Variants in UBL3 observed in about 807,000 individuals in gnomAD.
The protein encoded by UBL3 is ubiquitin-like protein 3.
A neutral mutation model predicts 18.4 loss-of-function variants in UBL3; 6 were observed. The observed-to-expected ratio is 0.33, with a 90% CI of 0.18 to 0.64. The LOEUF is 0.64. Ranked by LOEUF, UBL3 falls within the 30% of genes least tolerant of loss-of-function variation. The pLI, the probability that UBL3 is intolerant of heterozygous loss-of-function variation, is 0.76. For synonymous variants in UBL3, 49 were observed against 46.6 expected, an observed-to-expected ratio of 1.05 and a Z score of -0.21; for missense variants, 109 against 142.9, an observed-to-expected ratio of 0.76 and a Z score of 1.21.
intron 1 of UBL3, among the ~76,000 whole-genome samples, chr13:29,808,625 C>G (rs75447721): frequency 1.3e-5 from 2 of 152,016 alleles, no homozygotes; most frequent in African/African-American, 4.8e-5. Context: ...TATGGATACC[C>G]ACACCACCCT....
intron 1 of UBL3, among the ~76,000 whole-genome samples, chr13:29,825,146 C>T (rs1356771303): frequency 2.0e-5 from 3 of 152,184 alleles, no homozygotes; most frequent in African/African-American, 4.8e-5. Flanking sequence ...AATGTGATGC[C>T]TCCAGCTTTG....
At chr13:29,801,639 T>C (rs911029422) in intron 1 of UBL3, among the ~76,000 whole-genome samples, 1 of 152,184 alleles carries the variant, frequency 6.6e-6, no homozygotes. Context: ...ACTTCAGTTG[T>C]ACTGCCCTTG....
At chr13:29,797,200 C>A (rs1485963502) in intron 1 of UBL3, among the ~76,000 whole-genome samples, 1 of 151,744 alleles carries the variant, frequency 6.6e-6, no homozygotes, top group East Asian at 1.9e-4. Context: ...TCTTTGTCTC[C>A]CCAATGAAAC....
chr13:29,790,347 T>C (rs988801908), intron 1 of UBL3, among the ~76,000 whole-genome samples: 3 of 152,204 alleles, frequency 2.0e-5, no homozygotes, highest in Non-Finnish European at 2.9e-5. Context: ...TTATCTTTCA[T>C]TCCTTTTAAA....
intron 1 of UBL3, among the ~76,000 whole-genome samples, chr13:29,813,076 A>C (rs1237013186): frequency 1.3e-5 from 2 of 152,054 alleles, no homozygotes; most frequent in Non-Finnish European, 2.9e-5. Flanking sequence ...CTTGGAGAGA[A>C]CTAGTCAATG....
In UBL3 at chr13:29,793,501, G is replaced by A. The variant is rs531899375; in HGVS notation, c.28-16238C>T. Reference sequence around the variant, plus strand: ...GGTATAGGTATGGCAACCCTTTGACGTGAACTATTTACTTAGCAATGTTCT... The same window carrying A: ...GGTATAGGTATGGCAACCCTTTGACATGAACTATTTACTTAGCAATGTTCT... On this transcript the variant is annotated intron_variant, in intron 1 of 4. Coordinates refer to ENST00000380680, the MANE Select transcript of UBL3 (RefSeq NM_007106.4). 3.9e-5 allele frequency among the ~76,000 whole-genome samples: 6 copies of A among 152,192 alleles called. No homozygotes were observed. The South Asian group carries it at 1.2e-3, about 32-fold the overall frequency.
chr13:29,838,841 T>C (rs1448984986), intron 1 of UBL3, among the ~76,000 whole-genome samples: 3 of 151,810 alleles, frequency 2.0e-5, no homozygotes, highest in African/African-American at 7.3e-5. Flanking sequence ...TCAAACTTAG[T>C]AAAAAAGCAA....
At position 29,765,009 on chromosome 13, in the gene UBL3, C is replaced by G. The variant is rs921423943; in HGVS notation, c.*2246G>C. 1 of 152,032 alleles carries G rather than the reference C, an allele frequency of 6.6e-6. No individual in the cohort carries two copies. Among genetic ancestry groups the G allele is most frequent in the South Asian group, 2.1e-4 (1 of 4,814 alleles). The allele number at this position is 152,032 out of a possible 1,614,324, so 9.4% of individuals were successfully genotyped here. On this transcript the variant is annotated 3_prime_UTR_variant, in exon 5 of 5. Coordinates refer to ENST00000380680, the MANE Select transcript of UBL3 (RefSeq NM_007106.4). ...TATTCTTTTTTTTCATATTGTACAA[C>G]TATGATATTAGGTATTAAGCGACGT...
At chr13:29,832,372 G>A (rs1166463521) in intron 1 of UBL3, among the ~76,000 whole-genome samples, 8 of 141,722 alleles carry the variant, frequency 5.6e-5, no homozygotes, top group African/African-American at 1.6e-4. Flanking sequence ...TCGCTCTTTC[G>A]CCCAGGCCAG....
chr13:29,809,867 C>A (rs771135056), intron 1 of UBL3, among the ~76,000 whole-genome samples: 2 of 152,106 alleles, frequency 1.3e-5, no homozygotes, highest in Non-Finnish European at 2.9e-5. Context: ...TACTTTAAAT[C>A]ACTCTAAATT....
chr13:29,778,342 T>A (rs760400805), intron 1 of UBL3, among the ~76,000 whole-genome samples: 15 of 152,232 alleles, frequency 9.9e-5, no homozygotes, highest in Non-Finnish European at 2.2e-4. Flanking sequence ...TCTGTTGTAA[T>A]TAATTTAATA....
chr13:29,837,518 A>G (rs931621821), intron 1 of UBL3, among the ~76,000 whole-genome samples: 7 of 152,196 alleles, frequency 4.6e-5, no homozygotes, highest in African/African-American at 7.2e-5. Flanking sequence ...CCTAACATAC[A>G]CGTAATTGTA....
At chr13:29,805,377 A>T (rs1248564560) in intron 1 of UBL3, among the ~76,000 whole-genome samples, 1 of 152,200 alleles carries the variant, frequency 6.6e-6, no homozygotes, top group Non-Finnish European at 1.5e-5. Context: ...GGCAAGGTAG[A>T]TTCAAAATCA....
rs1593682277 is a variant in UBL3 at position 29,850,397 on chromosome 13, C to G, written c.-859G>C. 1 of 153,532 alleles carries G rather than the reference C, an allele frequency of 6.5e-6. No homozygotes were observed. The highest frequency in any genetic ancestry group is 1.9e-4 in the East Asian group (1 of 5,176). The allele number at this position is 153,532 out of a possible 1,614,324, so 9.5% of individuals were successfully genotyped here. Reference sequence around the variant, plus strand: ...CGGTCTCCGCCTTCCCTTCCCCTCCCCTCCCCGGCCTCGCGAGCTCCGGGC... The same window carrying G: ...CGGTCTCCGCCTTCCCTTCCCCTCCGCTCCCCGGCCTCGCGAGCTCCGGGC... On this transcript the variant is annotated 5_prime_UTR_variant, in exon 1 of 5. Transcript: ENST00000380680.
At chr13:29,804,321 G>A (rs563904694) in intron 1 of UBL3, among the ~76,000 whole-genome samples, 2 of 151,936 alleles carry the variant, frequency 1.3e-5, no homozygotes. Context: ...GCTAAAGATG[G>A]AAGTTTATAA....
At chr13:29,828,508 C>G (rs977400965) in intron 1 of UBL3, among the ~76,000 whole-genome samples, 1 of 152,196 alleles carries the variant, frequency 6.6e-6, no homozygotes, top group Admixed American at 6.5e-5. Flanking sequence ...AGTTCTCATG[C>G]CATGGTTTTC....
At chr13:29,831,562 TG>T (rs1434252060) in intron 1 of UBL3, among the ~76,000 whole-genome samples, 2 of 144,356 alleles carry the variant, frequency 1.4e-5, no homozygotes, top group Non-Finnish European at 3.0e-5. Context: ...TACTCCAGCC[TG>T]GGCAACAAGA....
At chr13:29,796,975 T>C (rs1219812526) in intron 1 of UBL3, among the ~76,000 whole-genome samples, 1 of 152,208 alleles carries the variant, frequency 6.6e-6, no homozygotes, top group Non-Finnish European at 1.5e-5. Context: ...GCGTGGGTCA[T>C]ATAAAGAGAA....
intron 1 of UBL3, among the ~76,000 whole-genome samples, chr13:29,797,418 G>A (rs1338888088): frequency 6.6e-6 from 1 of 152,060 alleles, no homozygotes; most frequent in African/African-American, 2.4e-5. Context: ...GTGGTTCTCT[G>A]GTGAATCCCC....
Sources: allele counts gnomAD v4.1 joint callset (sites outside exome capture counted in the v4.1 genomes callset), GRCh38; gene constraint gnomAD v4.1.1; transcripts MANE v1.5; gene names NCBI Gene and HGNC (gene_info 2026-07-23, HGNC 2026-07-21).